The following RNF125 variants were observed in gnomAD, a reference collection of about 807,000 sequenced individuals.
The protein encoded by RNF125 is ring finger protein 125.
Under a neutral mutation model 26.0 loss-of-function variants are expected in RNF125, and 21 were observed. That is an observed-to-expected ratio of 0.81 (90% CI 0.57 to 1.16). The LOEUF (loss-of-function observed/expected upper bound fraction) is 1.16, where lower values mean the gene tolerates loss of function less well. Ranked by LOEUF, RNF125 falls within the 50% of genes most tolerant of loss-of-function variation. RNF125 has a pLI of 0.00. For synonymous variants in RNF125, 95 were observed against 109.2 expected, an observed-to-expected ratio of 0.87 and a Z score of 0.81; for missense variants, 270 against 299.4, an observed-to-expected ratio of 0.90 and a Z score of 0.72.
chr18:32,040,769 A>G (rs1234024345), intron 2 of RNF125, among the ~76,000 whole-genome samples: 1 of 152,172 alleles, frequency 6.6e-6, no homozygotes, highest in Non-Finnish European at 1.5e-5. Flanking sequence ...TTTCATGACT[A>G]ATGCTTATCT....
At chr18:32,021,762 T>G (rs975494384) in intron 1 of RNF125, among the ~76,000 whole-genome samples, 2 of 152,226 alleles carry the variant, frequency 1.3e-5, no homozygotes, top group African/African-American at 4.8e-5. Context: ...TTTACAATAT[T>G]TTTCCTTCTA....
chr18:32,075,281 G>A (rs902347103), downstream of RNF125, among the ~76,000 whole-genome samples: 2 of 152,178 alleles, frequency 1.3e-5, no homozygotes, highest in Admixed American at 6.5e-5. Context: ...TTCTTAGCCA[G>A]TTGTGGTGGC....
rs759692910 is a variant in RNF125, at chr18:32,018,945, C to T, written c.82C>T (p.Pro28Ser). 70 of 1,613,448 alleles carry T rather than the reference C, an allele frequency of 4.3e-5. No homozygotes were observed. The Middle Eastern group carries it at 4.9e-4, about 11-fold the overall frequency. Residue 28 changes from proline to serine, a missense_variant, in exon 1 of 6, where the codon CCG becomes TCG. Physicochemically the swap from Pro to Ser is moderately conservative, Grantham distance 74. Coordinates refer to ENST00000217740, the MANE Select transcript of RNF125 (RefSeq NM_017831.4). ...TARALERRRD[P>S]ELPVTSFDCA... is the part of the protein sequence containing the mutation. Reference sequence around the variant, plus strand: ...GCGGGCCCTGGAGCGCAGGAGGGACCCGGAGTTGCCCGTCACGTCCTTCGA... The same window carrying T: ...GCGGGCCCTGGAGCGCAGGAGGGACTCGGAGTTGCCCGTCACGTCCTTCGA...
chr18:32,068,510 A>G lies in RNF125; in HGVS notation c.*126A>G, dbSNP rs888993040. On this transcript the variant is annotated 3_prime_UTR_variant, in exon 6 of 6. Transcript: ENST00000217740. Reference sequence around the variant, plus strand: ...GTACAACACAGTTATGTGTTTGTCCATGTTTATTGTTATAGTGCATTTAAA... The same window carrying G: ...GTACAACACAGTTATGTGTTTGTCCGTGTTTATTGTTATAGTGCATTTAAA... 1.6e-6 allele frequency: 1 copy of G among 621,318 alleles called. No homozygotes were observed. Among genetic ancestry groups the G allele is most frequent in the Non-Finnish European group, 2.9e-6 (1 of 342,934 alleles). 38.5% of individuals were successfully genotyped at this position (621,318 alleles called of 1,614,324 possible). A position where few individuals can be genotyped will look rare whatever the true frequency, so the allele number is the denominator to read the frequency against.
the RNF125 span, among the ~76,000 whole-genome samples, chr18:32,086,220 CTTT>C: frequency 1.5e-5 from 2 of 136,572 alleles, no homozygotes; most frequent in Non-Finnish European, 3.2e-5. Flanking sequence ...GTAGATTTGT[CTTT>C]TTTTTTTTTT....
the RNF125 span, among the ~76,000 whole-genome samples, chr18:32,090,340 AACT>A: frequency 6.6e-6 from 1 of 152,204 alleles, no homozygotes; most frequent in African/African-American, 2.4e-5. Context: ...AAAGCACCTG[AACT>A]ACTGCTATTA....
the RNF125 span, among the ~76,000 whole-genome samples, chr18:32,080,716 C>T: frequency 1.3e-5 from 2 of 151,998 alleles, no homozygotes; most frequent in African/African-American, 2.4e-5. Flanking sequence ...CATGAAACCT[C>T]GTCTCTACTA....
At chr18:32,020,088 G>A (rs1189947541) in intron 1 of RNF125, among the ~76,000 whole-genome samples, 2 of 151,648 alleles carry the variant, frequency 1.3e-5, no homozygotes, top group Non-Finnish European at 2.9e-5. Context: ...CTGGAGTGCG[G>A]TGGTGCTATC....
intron 4 of RNF125, among the ~76,000 whole-genome samples, chr18:32,058,668 A>G (rs778580977): frequency 6.6e-5 from 10 of 152,138 alleles, no homozygotes; most frequent in Non-Finnish European, 1.5e-4. Flanking sequence ...TGTACAATAC[A>G]TTATTGTTGA....
chr18:32,058,244 A>G (rs996121266), intron 4 of RNF125, among the ~76,000 whole-genome samples: 4 of 152,156 alleles, frequency 2.6e-5, no homozygotes, highest in Admixed American at 2.0e-4. Flanking sequence ...GGCACATGAA[A>G]TACTTTGATA....
chr18:32,034,900 CAA>C (rs10674977), intron 1 of RNF125, among the ~76,000 whole-genome samples: 111 of 113,714 alleles, frequency 9.8e-4, no homozygotes, highest in African/African-American at 3.4e-3. Context: ...AACTCCATCT[CAA>C]AAAAAAAAAA....
chr18:32,028,020 C>T lies in RNF125; in HGVS notation c.164+8993C>T, dbSNP rs1460493555. On this transcript the variant is annotated intron_variant, in intron 1 of 5. Coordinates refer to ENST00000217740, the MANE Select transcript of RNF125 (RefSeq NM_017831.4). ...TCAGAAAGAATGGGCAGTAGTCGGC[C>T]GGGCGCGGTGGCTCACACCTGTAAT... 1.2e-4 allele frequency among the ~76,000 whole-genome samples: 18 copies of T among 151,972 alleles called. No individual in the cohort carries two copies. The East Asian group carries it at 2.5e-3, about 21-fold the overall frequency.
chr18:32,084,020 A>G, the RNF125 span, among the ~76,000 whole-genome samples: 223 of 152,196 alleles, frequency 1.5e-3, 1 homozygote, highest in African/African-American at 4.9e-3. Context: ...AGAAATGGAG[A>G]AAGATCTTTT....
At chr18:32,051,257 T>C (rs1197831875) in intron 4 of RNF125, among the ~76,000 whole-genome samples, 1 of 152,088 alleles carries the variant, frequency 6.6e-6, no homozygotes, top group Non-Finnish European at 1.5e-5. Flanking sequence ...CGTTTAACAC[T>C]GCATGCCCAG....
intron 1 of RNF125, among the ~76,000 whole-genome samples, chr18:32,036,901 A>C (rs1239474903): frequency 6.6e-6 from 1 of 152,122 alleles, no homozygotes; most frequent in African/African-American, 2.4e-5. Context: ...AAATGTGTGA[A>C]AGTGCATGTG....
intron 2 of RNF125, among the ~76,000 whole-genome samples, chr18:32,037,621 C>T (rs1206569189): frequency 6.6e-6 from 1 of 152,068 alleles, no homozygotes; most frequent in African/African-American, 2.4e-5. Context: ...ACCCGCCTGC[C>T]TCGGCCTCCC....
intron 1 of RNF125, among the ~76,000 whole-genome samples, chr18:32,036,777 CAT>C (rs1013191337): frequency 6.6e-6 from 1 of 152,134 alleles, no homozygotes; most frequent in African/African-American, 2.4e-5. Flanking sequence ...AGAAGAAAGA[CAT>C]ATTTTCTCAA....
chr18:32,050,864 G>GC (rs200377615), intron 4 of RNF125, among the ~76,000 whole-genome samples: 4,368 of 71,114 alleles, frequency 0.061, 261 homozygotes, highest in African/African-American at 0.066. Flanking sequence ...GGTCTAGAGT[G>GC]CTTTTTTTTT....
At chr18:32,085,414 AG>A in the RNF125 span, among the ~76,000 whole-genome samples, 1 of 130,938 alleles carries the variant, frequency 7.6e-6, no homozygotes, top group Non-Finnish European at 1.7e-5. Flanking sequence ...AGAGAGAGAG[AG>A]AAAGCTGGGT....
Sources: allele counts gnomAD v4.1 joint callset (sites outside exome capture counted in the v4.1 genomes callset), GRCh38; gene constraint gnomAD v4.1.1; transcripts MANE v1.5; gene names NCBI Gene and HGNC (gene_info 2026-07-23, HGNC 2026-07-21).